PANK1: variants seen among roughly 807,000 people sequenced by gnomAD.
PANK1 encodes the protein pantothenic acid kinase 1.
Under a neutral mutation model 40.1 loss-of-function variants are expected in PANK1, and 18 were observed. That is an observed-to-expected ratio of 0.45 (90% CI 0.31 to 0.67). The LOEUF (loss-of-function observed/expected upper bound fraction) is 0.67, where lower values mean the gene tolerates loss of function less well. Among genes scored for constraint, PANK1 ranks in the 30% least tolerant of loss-of-function variants. The probability of loss-of-function intolerance (pLI) is 0.06; values close to 1 mark genes in which losing one functional copy is unlikely to be tolerated. For synonymous variants in PANK1, 242 were observed against 237.7 expected (o/e 1.02, Z -0.17); for missense variants, 457 against 599.6 (o/e 0.76, Z 2.48).
intron 3 of PANK1, among the ~76,000 whole-genome samples, chr10:89,596,896 C>T (rs1301020031): frequency 6.6e-6 from 1 of 152,172 alleles, no homozygotes; most frequent in African/African-American, 2.4e-5. Flanking sequence ...ACACATTCTA[C>T]TGTCAGCTAT....
At chr10:89,606,518 C>T (rs140321843) in intron 2 of PANK1, among the ~76,000 whole-genome samples, 1 of 152,160 alleles carries the variant, frequency 6.6e-6, no homozygotes, top group Non-Finnish European at 1.5e-5. Flanking sequence ...TGCTACCTTC[C>T]CACTTTTCTT....
intron 1 of PANK1, among the ~76,000 whole-genome samples, chr10:89,629,752 T>C (rs902854032): frequency 2.0e-5 from 3 of 152,242 alleles, no homozygotes; most frequent in Non-Finnish European, 4.4e-5. Context: ...TTATTTGGAT[T>C]ACACAATTTG....
chr10:89,618,951 A>G (rs1845399788), intron 1 of PANK1, among the ~76,000 whole-genome samples: 1 of 152,258 alleles, frequency 6.6e-6, no homozygotes, highest in East Asian at 1.9e-4. Context: ...TTGTTACTAC[A>G]GAATAACCTT....
At chr10:89,610,205 G>C (rs1299199752) in intron 2 of PANK1, among the ~76,000 whole-genome samples, 1 of 152,060 alleles carries the variant, frequency 6.6e-6, no homozygotes, top group African/African-American at 2.4e-5. Context: ...CCTCTTTGCA[G>C]ATGACAAAAT....
chr10:89,593,385 A>C (rs1844463477), intron 4 of PANK1, 65 bp from the exon 5 acceptor site: 1 of 1,554,250 alleles, frequency 6.4e-7, no homozygotes, highest in African/African-American at 1.4e-5. Context: ...CCTTCCACCA[A>C]AGTATTGTGG....
intron 4 of PANK1, 133 bp from the exon 5 acceptor site, chr10:89,593,453 T>C (rs1430725989): frequency 1.0e-6 from 1 of 994,990 alleles, no homozygotes. Context: ...CTATGGTTTA[T>C]AAGCAGACAG....
chr10:89,644,991 C>A lies in PANK1; in HGVS notation c.-100G>T. On this transcript the variant is annotated 5_prime_UTR_variant, in exon 1 of 7. Coordinates refer to ENST00000307534, the MANE Select transcript of PANK1 (RefSeq NM_148977.3). ...TTTCCCCGGATCCTCCCTGCGGCTT[C>A]CGATTCAGCAGCCGCAGAGCCGGCG... 6.4e-7 allele frequency: 1 copy of A among 1,571,674 alleles called. No individual in the cohort carries two copies. The highest frequency in any genetic ancestry group is 8.6e-7 in the Non-Finnish European group (1 of 1,162,328).
At chr10:89,606,139 G>A (rs558613466) in intron 2 of PANK1, among the ~76,000 whole-genome samples, 1 of 152,292 alleles carries the variant, frequency 6.6e-6, no homozygotes, top group Admixed American at 6.5e-5. Flanking sequence ...CACAGGTAGA[G>A]TAGATGTAGC....
rs149058683 is a variant in PANK1 at position 89,624,700 on chromosome 10, A to G, written c.293-12652T>C. ...CCACATTTAACAACATGGTTTCTCA[A>G]ATTTGCCTAATCATAAAAATCACCT... On this transcript the variant is annotated intron_variant, in intron 1 of 6. Coordinates refer to ENST00000307534, the MANE Select transcript of PANK1 (RefSeq NM_148977.3). 5.3e-5 allele frequency among the ~76,000 whole-genome samples: 8 copies of G among 152,308 alleles called. No homozygotes were observed. The East Asian group carries it at 1.5e-3, about 29-fold the overall frequency.
intron 1 of PANK1, among the ~76,000 whole-genome samples, chr10:89,622,695 G>A (rs903278932): frequency 6.6e-6 from 1 of 152,034 alleles, no homozygotes; most frequent in Non-Finnish European, 1.5e-5. Flanking sequence ...ACATTTGCCG[G>A]GCATGGTGGC....
At chr10:89,593,609 A>T (rs777786514) in intron 4 of PANK1, among the ~76,000 whole-genome samples, 1 of 152,206 alleles carries the variant, frequency 6.6e-6, no homozygotes, top group Non-Finnish European at 1.5e-5. Flanking sequence ...ACCTTCTTTC[A>T]AAGTTGCCTT....
chr10:89,621,548 A>G (rs17391246), intron 1 of PANK1, among the ~76,000 whole-genome samples: 11,632 of 152,240 alleles, frequency 0.076, 555 homozygotes, highest in Admixed American at 0.11. Context: ...GGAATTGTCC[A>G]AGGTTAGTCA....
At chr10:89,607,904 C>A (rs1845019028) in intron 2 of PANK1, among the ~76,000 whole-genome samples, 1 of 152,016 alleles carries the variant, frequency 6.6e-6, no homozygotes, top group Non-Finnish European at 1.5e-5. Flanking sequence ...TCCTCATTGG[C>A]TTATCAACAT....
downstream of PANK1, chr10:89,582,825 C>T (rs1189804698): frequency 6.6e-6 from 1 of 152,152 alleles, no homozygotes; most frequent in African/African-American, 2.4e-5. Flanking sequence ...AGGGCTACAG[C>T]TTCACCTGAA....
chr10:89,588,635 A>G lies in PANK1; in HGVS notation c.1326+17T>C, dbSNP rs1199896358. On this transcript the variant is annotated intron_variant, in intron 6 of 6. Coordinates refer to ENST00000307534, the MANE Select transcript of PANK1 (RefSeq NM_148977.3). ...ATACTCCACATATGACAGTAAGTCT[A>G]TGCAAGCTCAACCTACCTCATGTTC... The G allele has an allele frequency of 5.0e-6, 8 of 1,587,706 alleles. No homozygotes were observed. The highest frequency in any genetic ancestry group is 1.4e-5 in the African/African-American group (1 of 73,658).
intron 2 of PANK1, among the ~76,000 whole-genome samples, chr10:89,604,592 G>C (rs1236779240): frequency 6.6e-6 from 1 of 150,900 alleles, no homozygotes; most frequent in Admixed American, 6.6e-5. Flanking sequence ...TACTTGGGAG[G>C]CTGGGGTAGG....
chr10:89,632,193 C>T (rs906950113), intron 1 of PANK1, among the ~76,000 whole-genome samples: 34 of 152,114 alleles, frequency 2.2e-4, no homozygotes, highest in African/African-American at 7.7e-4. Context: ...AATCCCAACA[C>T]TTTCCAAAAC....
At chr10:89,631,668 T>C (rs1360718039) in intron 1 of PANK1, among the ~76,000 whole-genome samples, 1 of 152,214 alleles carries the variant, frequency 6.6e-6, no homozygotes, top group Non-Finnish European at 1.5e-5. Context: ...TGATACTGGG[T>C]GATTCCAAAG....
At position 89,599,311 on chromosome 10, in the gene PANK1, T is replaced by C; in HGVS notation, c.840A>G (p.Ser280=). 1 of 1,613,398 alleles carries C rather than the reference T, an allele frequency of 6.2e-7. No individual in the cohort carries two copies. The highest frequency in any genetic ancestry group is 8.5e-7 in the Non-Finnish European group (1 of 1,179,256). ...AGTACACGGCTAGAATGCTGACACC[T>C]GAGCCCATGTTAACCAGCAACATAG... The part of the protein sequence containing the change: ...PYPMLLVNMG[S]GVSILAVYSK... Residue 280 remains serine, a synonymous_variant, in exon 3 of 7, where the codon TCA becomes TCG. Coordinates refer to ENST00000307534, the MANE Select transcript of PANK1 (RefSeq NM_148977.3).
Sources: allele counts gnomAD v4.1 joint callset (sites outside exome capture counted in the v4.1 genomes callset), GRCh38; gene constraint gnomAD v4.1.1; transcripts MANE v1.5; gene names NCBI Gene and HGNC (gene_info 2026-07-23, HGNC 2026-07-21).